The following TMEM117 variants were observed in gnomAD, a reference collection of about 807,000 sequenced individuals.
The protein encoded by TMEM117 is transmembrane protein 117.
Under a neutral mutation model 52.4 loss-of-function variants are expected in TMEM117, and 27 were observed. That is an observed-to-expected ratio of 0.51 (90% CI 0.38 to 0.71). The LOEUF (loss-of-function observed/expected upper bound fraction) is 0.71. Among genes scored for constraint, TMEM117 ranks in the 30% least tolerant of loss-of-function variants. TMEM117 has a pLI of 0.00. For missense variants in TMEM117, 556 were observed against 630.5 expected, an observed-to-expected ratio of 0.88 and a Z score of 1.26; for synonymous variants, 215 against 206.3, an observed-to-expected ratio of 1.04 and a Z score of -0.36.
intron 6 of TMEM117, among the ~76,000 whole-genome samples, chr12:44,300,182 T>C (rs1295061258): frequency 6.6e-6 from 1 of 152,250 alleles, no homozygotes; most frequent in Non-Finnish European, 1.5e-5. Flanking sequence ...AAAATTCTTT[T>C]TCTGGTTATG....
intron 2 of TMEM117, among the ~76,000 whole-genome samples, chr12:43,915,104 G>A (rs1185318514): frequency 6.6e-6 from 1 of 152,192 alleles, no homozygotes; most frequent in East Asian, 1.9e-4. Context: ...GCTTCCACAT[G>A]GTTTCAGTAT....
chr12:43,973,846 GA>G (rs1218297637), intron 3 of TMEM117, among the ~76,000 whole-genome samples: 22 of 152,130 alleles, frequency 1.4e-4, no homozygotes, highest in Non-Finnish European at 1.5e-5. Flanking sequence ...CCTAAATCAG[GA>G]TCATAACCCA....
the TMEM117 span, among the ~76,000 whole-genome samples, chr12:44,396,638 A>G: frequency 6.6e-6 from 1 of 152,136 alleles, no homozygotes; most frequent in South Asian, 2.1e-4. Flanking sequence ...CAGATCACTT[A>G]AGGTCAGGAG....
chr12:43,865,335 G>GTTTCA (rs1943572144), intron 2 of TMEM117, among the ~76,000 whole-genome samples: 1 of 152,128 alleles, frequency 6.6e-6, no homozygotes, highest in African/African-American at 2.4e-5. Flanking sequence ...ACCCCAGAAG[G>GTTTCA]GTGCCCCTTA....
At chr12:44,038,138 G>C (rs1946739930) in intron 3 of TMEM117, among the ~76,000 whole-genome samples, 1 of 152,104 alleles carries the variant, frequency 6.6e-6, no homozygotes, top group African/African-American at 2.4e-5. Context: ...CAAATGGTGG[G>C]TGGGGCTAAA....
intron 2 of TMEM117, among the ~76,000 whole-genome samples, chr12:43,869,815 G>A (rs1943672299): frequency 6.6e-6 from 1 of 152,028 alleles, no homozygotes; most frequent in Admixed American, 6.6e-5. Flanking sequence ...TTGTTACATT[G>A]GTAAATGTGT....
At chr12:44,087,816 T>G (rs1947597845) in intron 3 of TMEM117, among the ~76,000 whole-genome samples, 7 of 152,196 alleles carry the variant, frequency 4.6e-5, no homozygotes. Context: ...CAAAAATGTT[T>G]TTCTCTGCCT....
the TMEM117 span, among the ~76,000 whole-genome samples, chr12:43,816,929 TA>T: frequency 6.6e-6 from 1 of 152,214 alleles, no homozygotes; most frequent in Non-Finnish European, 1.5e-5. Flanking sequence ...GAATTTGGAA[TA>T]AATTGAAGTT....
In TMEM117 at chr12:44,353,861, G is replaced by A. The variant is rs567635601; in HGVS notation, c.769-22734G>A. 3.9e-5 allele frequency among the ~76,000 whole-genome samples: 6 copies of A among 152,278 alleles called. No homozygotes were observed. In the South Asian group the frequency reaches 1.2e-3, roughly 32 times the overall value. On this transcript the variant is annotated intron_variant, in intron 6 of 7. Transcript: ENST00000266534. ...AGTCATTGGTAGCTTGATGGGGATG[G>A]CATTGAATCTATAAATTACCTTGGG...
rs990935273 is a variant in TMEM117 at position 43,866,042 on chromosome 12, G to C, written c.277+21114G>C. On this transcript the variant is annotated intron_variant, in intron 2 of 7. Coordinates refer to ENST00000266534, the MANE Select transcript of TMEM117 (RefSeq NM_032256.3). Reference sequence around the variant, plus strand: ...TTAGATGATCCAGAAGCTGGCATTAGCAAAGACTTTATAACAGTGTTCATA... The same window carrying C: ...TTAGATGATCCAGAAGCTGGCATTACCAAAGACTTTATAACAGTGTTCATA... 6.6e-5 allele frequency among the ~76,000 whole-genome samples: 10 copies of C among 151,808 alleles called. 1 individual carries two copies. Among genetic ancestry groups the C allele is most frequent in the African/African-American group, 2.4e-4 (10 of 41,122 alleles).
At chr12:43,860,439 T>C (rs763535105) in intron 2 of TMEM117, among the ~76,000 whole-genome samples, 2 of 152,136 alleles carry the variant, frequency 1.3e-5, no homozygotes, top group Non-Finnish European at 2.9e-5. Context: ...AATAAATCAT[T>C]ATATATTATA....
At chr12:44,099,087 C>A (rs2138069040) in intron 3 of TMEM117, among the ~76,000 whole-genome samples, 1 of 152,070 alleles carries the variant, frequency 6.6e-6, no homozygotes, top group East Asian at 1.9e-4. Context: ...TATTTGATTA[C>A]TGGCAAAGCC....
At chr12:44,173,993 C>T (rs1949084234) in intron 4 of TMEM117, among the ~76,000 whole-genome samples, 1 of 152,092 alleles carries the variant, frequency 6.6e-6, no homozygotes, top group African/African-American at 2.4e-5. Context: ...AATCAATTCT[C>T]CATACATTCA....
At chr12:44,077,516 A>C (rs1947400960) in intron 3 of TMEM117, among the ~76,000 whole-genome samples, 1 of 152,182 alleles carries the variant, frequency 6.6e-6, no homozygotes, top group African/African-American at 2.4e-5. Flanking sequence ...CCAGCCCTTT[A>C]ACGTGGCCAA....
intron 4 of TMEM117, among the ~76,000 whole-genome samples, chr12:44,198,241 AG>A (rs1246506217): frequency 6.6e-6 from 1 of 152,190 alleles, no homozygotes; most frequent in Admixed American, 6.5e-5. Context: ...GGGCAGCAGA[AG>A]GGTGGTAAAA....
At chr12:44,283,084 C>A (rs1284105029) in intron 5 of TMEM117, among the ~76,000 whole-genome samples, 1 of 152,256 alleles carries the variant, frequency 6.6e-6, no homozygotes, top group Non-Finnish European at 1.5e-5. Context: ...TTGGGAAACT[C>A]CGCCTAGATT....
chr12:44,252,665 G>T (rs1950209783), intron 5 of TMEM117, among the ~76,000 whole-genome samples: 1 of 152,130 alleles, frequency 6.6e-6, no homozygotes, highest in Non-Finnish European at 1.5e-5. Context: ...TCTAGGATTT[G>T]GCTTTGATGT....
chr12:43,972,458 C>A (rs1242029183), intron 3 of TMEM117, among the ~76,000 whole-genome samples: 1 of 152,172 alleles, frequency 6.6e-6, no homozygotes, highest in Admixed American at 6.5e-5. Flanking sequence ...AGTGAAAGAA[C>A]AAAGTTTCCA....
At chr12:43,950,474 A>C (rs1361011708) in intron 3 of TMEM117, among the ~76,000 whole-genome samples, 1 of 151,722 alleles carries the variant, frequency 6.6e-6, no homozygotes, top group Non-Finnish European at 1.5e-5. Flanking sequence ...CAATGACTGA[A>C]GTTTCATACT....
Sources: allele counts gnomAD v4.1 joint callset (sites outside exome capture counted in the v4.1 genomes callset), GRCh38; gene constraint gnomAD v4.1.1; transcripts MANE v1.5; gene names NCBI Gene and HGNC (gene_info 2026-07-23, HGNC 2026-07-21).